The following LDLRAD4 variants were observed in gnomAD, a reference collection of about 807,000 sequenced individuals.
The protein encoded by LDLRAD4 is low density lipoprotein receptor class A domain containing 4.
LDLRAD4 carries 5 observed loss-of-function variants against 17.0 expected under a neutral mutation model. The observed-to-expected ratio is 0.29, with a 90% CI of 0.15 to 0.62. The LOEUF is 0.62. Ranked by LOEUF, LDLRAD4 falls within the 20% of genes least tolerant of loss-of-function variation. LDLRAD4 has a pLI of 0.84. For missense variants in LDLRAD4, 340 were observed against 424.7 expected, an observed-to-expected ratio of 0.80 and a Z score of 1.75; for synonymous variants, 168 against 171.8, an observed-to-expected ratio of 0.98 and a Z score of 0.17.
intron 2 of LDLRAD4, among the ~76,000 whole-genome samples, chr18:13,412,374 A>G (rs1255250114): frequency 6.6e-6 from 1 of 152,158 alleles, no homozygotes; most frequent in Non-Finnish European, 1.5e-5. Context: ...TCTCTCTGAA[A>G]AATTTCTGCT....
chr18:13,311,872 C>T (rs11662722), intron 1 of LDLRAD4, among the ~76,000 whole-genome samples: 88,695 of 149,118 alleles, frequency 0.59, 28,168 homozygotes, highest in Non-Finnish European at 0.72. Flanking sequence ...TGCTCTGTTG[C>T]CCAGGCTGGA....
rs539022218 is a variant in LDLRAD4, at chr18:13,582,848, G to A, written c.182-38269G>A. ...CTGCCTCAGCCTCCCAAGTAGCTAGGACTATAGGTGCATGCCGCTGTGCTG... is the reference window on the plus strand; with the variant it reads ...CTGCCTCAGCCTCCCAAGTAGCTAGAACTATAGGTGCATGCCGCTGTGCTG... On this transcript the variant is annotated intron_variant, in intron 3 of 5. Transcript: ENST00000359446. Among the ~76,000 whole-genome samples the A allele has an allele frequency of 1.3e-3, 204 of 152,328 alleles. 1 individual carries two copies. Among genetic ancestry groups the A allele is most frequent in the African/African-American group, 4.8e-3 (200 of 41,576 alleles).
intron 2 of LDLRAD4, among the ~76,000 whole-genome samples, chr18:13,406,490 G>A (rs2087764530): frequency 6.6e-6 from 1 of 152,192 alleles, no homozygotes; most frequent in African/African-American, 2.4e-5. Flanking sequence ...GATATAGTCA[G>A]GAGGACCTCA....
chr18:13,226,531 G>C (rs2145427624), intron 1 of LDLRAD4, among the ~76,000 whole-genome samples: 1 of 151,736 alleles, frequency 6.6e-6, no homozygotes, highest in South Asian at 2.1e-4. Flanking sequence ...AAATGATATG[G>C]GCACATGACG....
At chr18:13,474,144 C>T (rs1232940410) in intron 3 of LDLRAD4, among the ~76,000 whole-genome samples, 4 of 152,154 alleles carry the variant, frequency 2.6e-5, no homozygotes, top group Admixed American at 2.6e-4. Context: ...TGATTGGAAG[C>T]TTCCTGAGGC....
intron 1 of LDLRAD4, among the ~76,000 whole-genome samples, chr18:13,325,262 TC>T (rs544147443): frequency 5.5e-4 from 84 of 152,352 alleles, no homozygotes; most frequent in African/African-American, 1.9e-3. Flanking sequence ...TATTTTCCTT[TC>T]ACATTTTGAA....
At chr18:13,239,365 CA>C (rs2042509851) in intron 1 of LDLRAD4, among the ~76,000 whole-genome samples, 1 of 152,036 alleles carries the variant, frequency 6.6e-6, no homozygotes. Flanking sequence ...AAGGGGAGTG[CA>C]GGGGCCACTT....
At chr18:13,543,825 A>G (rs987553429) in intron 3 of LDLRAD4, among the ~76,000 whole-genome samples, 10 of 152,172 alleles carry the variant, frequency 6.6e-5, no homozygotes, top group Non-Finnish European at 1.3e-4. Flanking sequence ...AGTTTCTCCA[A>G]TAAGGAAAAA....
chr18:13,257,162 G>A (rs1009909525), intron 1 of LDLRAD4, among the ~76,000 whole-genome samples: 2 of 152,220 alleles, frequency 1.3e-5, no homozygotes, highest in Admixed American at 1.3e-4. Context: ...GCACAGCCTC[G>A]CGGCCCTGGC....
chr18:13,547,064 C>T (rs964538245), intron 3 of LDLRAD4, among the ~76,000 whole-genome samples: 3 of 152,168 alleles, frequency 2.0e-5, no homozygotes, highest in Non-Finnish European at 4.4e-5. Flanking sequence ...TTGCAGTGGG[C>T]CCCGATGTTG....
chr18:13,367,107 A>C lies in LDLRAD4; in HGVS notation c.-382-20234A>C, dbSNP rs796568309. Reference sequence around the variant, plus strand: ...GGACATTTGCCCACAGCGAGATGCAAACTGGGTGTCACACAGAACAGTCCT... The same window carrying C: ...GGACATTTGCCCACAGCGAGATGCACACTGGGTGTCACACAGAACAGTCCT... On this transcript the variant is annotated intron_variant, in intron 1 of 5. Transcript: ENST00000359446. The surrounding 1 kb of genome is among the most constrained non-coding windows in gnomAD (Gnocchi z 4.1). Among the ~76,000 whole-genome samples the C allele has an allele frequency of 9.2e-5, 14 of 152,276 alleles. No individual in the cohort carries two copies. Among genetic ancestry groups the C allele is most frequent in the African/African-American group, 3.4e-4 (14 of 41,540 alleles).
At chr18:13,619,498 G>C (rs1428159183) in intron 3 of LDLRAD4, among the ~76,000 whole-genome samples, 1 of 136,120 alleles carries the variant, frequency 7.3e-6, no homozygotes, top group African/African-American at 2.7e-5. Flanking sequence ...GTGTGTGTGT[G>C]GGTGGGGGGG....
intron 1 of LDLRAD4, among the ~76,000 whole-genome samples, chr18:13,238,075 G>C (rs1384847246): frequency 6.6e-6 from 1 of 152,172 alleles, no homozygotes; most frequent in East Asian, 1.9e-4. Context: ...TTACCCACAA[G>C]CTTGCTCTGA....
intron 3 of LDLRAD4, among the ~76,000 whole-genome samples, chr18:13,568,107 C>T (rs914620598): frequency 6.6e-6 from 1 of 152,046 alleles, no homozygotes; most frequent in African/African-American, 2.4e-5. Flanking sequence ...CCAGCCTAGC[C>T]AACATGGCGA....
intron 3 of LDLRAD4, chr18:13,615,514 T>G (rs796280738): frequency 7.2e-5 from 11 of 152,362 alleles, no homozygotes; most frequent in African/African-American, 2.6e-4. Context: ...ATGCCTCTAG[T>G]ATGATTCAGT....
chr18:13,428,796 T>A (rs1041238157), intron 2 of LDLRAD4, among the ~76,000 whole-genome samples: 10 of 152,044 alleles, frequency 6.6e-5, no homozygotes, highest in African/African-American at 2.4e-4. Context: ...CCAGTGCAGT[T>A]TCTGAGATAG....
chr18:13,282,063 CCAT>C (rs1302644580), intron 1 of LDLRAD4, among the ~76,000 whole-genome samples: 1 of 152,114 alleles, frequency 6.6e-6, no homozygotes, highest in Non-Finnish European at 1.5e-5. Flanking sequence ...CTTGATAAAC[CCAT>C]CATATCTCAT....
intron 3 of LDLRAD4, among the ~76,000 whole-genome samples, chr18:13,558,281 G>T (rs1230889268): frequency 6.6e-6 from 1 of 152,204 alleles, no homozygotes; most frequent in Admixed American, 6.5e-5. Flanking sequence ...AACAAGACAT[G>T]ATGGGTTCTG....
intron 3 of LDLRAD4, chr18:13,615,795 C>T (rs1260941171): frequency 6.6e-6 from 1 of 152,210 alleles, no homozygotes; most frequent in Non-Finnish European, 1.5e-5. Flanking sequence ...AACTACAGCG[C>T]CGTAGAAGGG....
Sources: allele counts gnomAD v4.1 joint callset (sites outside exome capture counted in the v4.1 genomes callset), GRCh38; gene constraint gnomAD v4.1.1; non-coding constraint Gnocchi (gnomAD v3.1); transcripts MANE v1.5; gene names NCBI Gene and HGNC (gene_info 2026-07-23, HGNC 2026-07-21).